Variants in NAA11 observed in about 807,000 individuals in gnomAD.
NAA11 encodes N-alpha-acetyltransferase 11, NatA catalytic subunit.
NAA11 carries 15 observed loss-of-function variants against 16.1 expected under a neutral mutation model. That is an observed-to-expected ratio of 0.93 (90% CI 0.62 to 1.44). NAA11 has a LOEUF of 1.44. Among genes scored for constraint, NAA11 ranks in the 40% most tolerant of loss-of-function variants. NAA11 has a pLI of 0.00. For missense variants in NAA11, 298 were observed against 291.3 expected (o/e 1.02, Z -0.17); for synonymous variants, 122 against 112.4 (o/e 1.09, Z -0.54).
the NAA11 span, among the ~76,000 whole-genome samples, chr4:79,183,063 T>A: frequency 6.6e-6 from 1 of 152,106 alleles, no homozygotes; most frequent in African/African-American, 2.4e-5. Flanking sequence ...GAGGTAACAT[T>A]TTCCCCCTCT....
the NAA11 span, among the ~76,000 whole-genome samples, chr4:79,170,055 G>A: frequency 2.3e-3 from 343 of 152,232 alleles, no homozygotes; most frequent in Admixed American, 8.0e-3. Context: ...TTTGAATTTG[G>A]GTGGGTCTTT....
chr4:79,180,217 A>G, the NAA11 span, among the ~76,000 whole-genome samples: 148,839 of 152,288 alleles, frequency 0.98, 72,825 homozygotes, highest in East Asian at 1. Flanking sequence ...GTTGCTTCAA[A>G]TGGAGGAAAA....
At chr4:79,164,250 T>TG in the NAA11 span, among the ~76,000 whole-genome samples, 3 of 152,300 alleles carry the variant, frequency 2.0e-5, no homozygotes, top group South Asian at 6.2e-4. Flanking sequence ...GGAATTTAAC[T>TG]GGGGGAGAAA....
At chr4:79,167,751 C>A in the NAA11 span, among the ~76,000 whole-genome samples, 7 of 152,052 alleles carry the variant, frequency 4.6e-5, no homozygotes, top group South Asian at 8.3e-4. Context: ...TCTCAGGGGG[C>A]CTCAGGAAAA....
chr4:79,264,240 T>C (rs1177272372), intron 2 of NAA11, among the ~76,000 whole-genome samples: 2 of 152,252 alleles, frequency 1.3e-5, no homozygotes, highest in Non-Finnish European at 2.9e-5. Flanking sequence ...TATAACAATT[T>C]GACAGAGTTG....
At chr4:79,171,062 A>G in the NAA11 span, among the ~76,000 whole-genome samples, 1 of 152,112 alleles carries the variant, frequency 6.6e-6, no homozygotes, top group African/African-American at 2.4e-5. Flanking sequence ...GGCCCTGGAA[A>G]CACTCTCTGC....
chr4:79,302,453 T>C (rs912645554), intron 1 of NAA11, among the ~76,000 whole-genome samples: 1 of 152,194 alleles, frequency 6.6e-6, no homozygotes, highest in African/African-American at 2.4e-5. Context: ...GGATGTGCAG[T>C]TGCTGACTAA....
At chr4:79,208,033 G>A in the NAA11 span, among the ~76,000 whole-genome samples, 1 of 152,202 alleles carries the variant, frequency 6.6e-6, no homozygotes, top group Non-Finnish European at 1.5e-5. Context: ...TATTAATAAA[G>A]TTGAAACAGA....
chr4:79,211,898 T>C, the NAA11 span: 5 of 152,190 alleles, frequency 3.3e-5, no homozygotes, highest in Non-Finnish European at 7.3e-5. Context: ...TGTGAGTTTA[T>C]AAACATCTCA....
intron 1 of NAA11, among the ~76,000 whole-genome samples, chr4:79,311,592 A>AT (rs1251200676): frequency 6.6e-6 from 1 of 152,242 alleles, no homozygotes; most frequent in Non-Finnish European, 1.5e-5. Flanking sequence ...TTTATAAAGC[A>AT]AGGTATATGC....
chr4:79,157,506 T>TATGTATATATACATATATGTATATGC, the NAA11 span, among the ~76,000 whole-genome samples: 1 of 151,898 alleles, frequency 6.6e-6, no homozygotes. Flanking sequence ...CATATATATG[T>TATGTATATATACATATATGTATATGC]ATGTATATAT....
chr4:79,204,786 C>T, the NAA11 span, among the ~76,000 whole-genome samples: 1 of 151,846 alleles, frequency 6.6e-6, no homozygotes, highest in Non-Finnish European at 1.5e-5. Flanking sequence ...TAGCTTAGCT[C>T]CCATTTATAA....
intron 2 of NAA11, among the ~76,000 whole-genome samples, chr4:79,287,905 T>G (rs1722982234): frequency 6.6e-6 from 1 of 152,194 alleles, no homozygotes; most frequent in South Asian, 2.1e-4. Flanking sequence ...GTATTCCATC[T>G]TTGGTTGACA....
At chr4:79,257,997 T>C (rs1013245022) in intron 2 of NAA11, among the ~76,000 whole-genome samples, 1 of 152,194 alleles carries the variant, frequency 6.6e-6, no homozygotes, top group Non-Finnish European at 1.5e-5. Flanking sequence ...ATGATAACAG[T>C]AGTGGCCCAT....
the NAA11 span, chr4:79,211,629 C>G: frequency 6.6e-6 from 1 of 152,212 alleles, no homozygotes; most frequent in Non-Finnish European, 1.5e-5. Flanking sequence ...TTCCCCACCC[C>G]CCACAAGCTG....
chr4:79,204,304 G>A, the NAA11 span, among the ~76,000 whole-genome samples: 2 of 151,654 alleles, frequency 1.3e-5, no homozygotes, highest in South Asian at 2.1e-4. Flanking sequence ...ATGGTACATC[G>A]CATATTATCA....
chr4:79,179,428 G>T, the NAA11 span, among the ~76,000 whole-genome samples: 1 of 151,978 alleles, frequency 6.6e-6, no homozygotes, highest in Non-Finnish European at 1.5e-5. Context: ...CCTTTTTGTT[G>T]TATTTCTGAC....
chr4:79,200,120 G>C, the NAA11 span, among the ~76,000 whole-genome samples: 1 of 151,890 alleles, frequency 6.6e-6, no homozygotes, highest in Non-Finnish European at 1.5e-5. Flanking sequence ...ATGCCAGACA[G>C]CTTGGGCTGG....
At chr4:79,252,452 A>T (rs1722017234) in intron 2 of NAA11, among the ~76,000 whole-genome samples, 1 of 152,218 alleles carries the variant, frequency 6.6e-6, no homozygotes, top group Non-Finnish European at 1.5e-5. Flanking sequence ...TTCTCATAGG[A>T]CATACATTTT....
Sources: gnomAD v4.1 joint callset for allele counts (sites outside exome capture counted in the v4.1 genomes callset) on GRCh38, gnomAD v4.1.1 for gene constraint, MANE v1.5 for transcripts, NCBI Gene and HGNC (gene_info 2026-07-23, HGNC 2026-07-21) for gene names.